Variants in CHL1 observed in about 807,000 individuals in gnomAD.
CHL1 encodes the protein neural cell adhesion molecule L1-like protein.
A neutral mutation model predicts 141.9 loss-of-function variants in CHL1; 96 were observed. The ratio of observed to expected loss-of-function variants is 0.68; its 90% CI spans 0.57 to 0.80. CHL1 has a LOEUF of 0.80. CHL1 is among the 30% of genes least tolerant of loss of function. The pLI is 0.00. For synonymous variants in CHL1, 613 were observed against 502.2 expected, an observed-to-expected ratio of 1.22 and a Z score of -2.95; for missense variants, 1,820 against 1,457.2, an observed-to-expected ratio of 1.25 and a Z score of -4.05.
chr3:286,384 G>A (rs1697145956), intron 2 of CHL1, among the ~76,000 whole-genome samples: 1 of 152,126 alleles, frequency 6.6e-6, no homozygotes, highest in Admixed American at 6.5e-5. Context: ...GCCGAAGTGA[G>A]TGGATCACCT....
At chr3:230,518 A>G (rs1168669427) in intron 1 of CHL1, among the ~76,000 whole-genome samples, 1 of 150,926 alleles carries the variant, frequency 6.6e-6, no homozygotes, top group Non-Finnish European at 1.5e-5. Flanking sequence ...TTTTTTTGAC[A>G]GAGTGATTGG....
chr3:239,444 C>T (rs1692330778), intron 1 of CHL1, among the ~76,000 whole-genome samples: 1 of 152,066 alleles, frequency 6.6e-6, no homozygotes, highest in Non-Finnish European at 1.5e-5. Flanking sequence ...TTTTGACAGA[C>T]ACTGTGGTGG....
chr3:366,027 A>C lies in CHL1; in HGVS notation c.1663A>C (p.Lys555Gln). 4 of 1,613,734 alleles carry C rather than the reference A, an allele frequency of 2.5e-6. No individual in the cohort carries two copies. The South Asian group carries it at 4.4e-5, about 18-fold the overall frequency. The change falls in exon 15 of 28, where the codon AAA (lysine) becomes CAA (glutamine). Residue 555 changes from lysine (K) to glutamine (Q), a missense_variant. Lys to Gln is a moderately conservative substitution (Grantham distance 53). Coordinates refer to ENST00000256509, the MANE Select transcript of CHL1 (RefSeq NM_006614.4). The stretch of plus-strand genomic sequence containing the variant: ...TATGCTTGAATTACATTGTGAAAGC[A>C]AATGTGACTCACATTTGAAACACAG... ...LHMLELHCESKCDSHLKHSLK... is the reference protein window; with the variant it reads ...LHMLELHCESQCDSHLKHSLK...
chr3:366,198 T>C (rs1353188805), intron 15 of CHL1, 83 bp downstream of exon 15: 1 of 1,346,912 alleles, frequency 7.4e-7, no homozygotes, highest in Non-Finnish European at 1.0e-6. Flanking sequence ...AGGTCGGGCA[T>C]GCTGACTCAC....
chr3:246,261 G>A (rs1291935191), intron 2 of CHL1, among the ~76,000 whole-genome samples: 1 of 152,062 alleles, frequency 6.6e-6, no homozygotes, highest in Non-Finnish European at 1.5e-5. Context: ...TCATGATGAT[G>A]TATTAATAAT....
At chr3:349,632 A>G (rs1426504873) in intron 10 of CHL1, 89 bp downstream of exon 10, 1 of 1,100,966 alleles carries the variant, frequency 9.1e-7, no homozygotes, top group African/African-American at 1.6e-5. Flanking sequence ...CATACATGTT[A>G]AAACAGGTCA....
intron 1 of CHL1, among the ~76,000 whole-genome samples, chr3:226,136 T>G (rs529647608): frequency 6.7e-6 from 1 of 149,964 alleles, no homozygotes; most frequent in South Asian, 2.2e-4. Flanking sequence ...TTCTCGTGCC[T>G]CAGCCTCCTG....
intron 2 of CHL1, among the ~76,000 whole-genome samples, chr3:285,029 A>T (rs925039507): frequency 6.6e-6 from 1 of 152,232 alleles, no homozygotes; most frequent in Non-Finnish European, 1.5e-5. Flanking sequence ...TGCTTGCCTT[A>T]TGAAAGTAGG....
At chr3:242,693 CACACAG>C (rs771169698) in intron 1 of CHL1, among the ~76,000 whole-genome samples, 26 of 144,864 alleles carry the variant, frequency 1.8e-4, no homozygotes, top group South Asian at 9.0e-4. Context: ...CACACACACA[CACACAG>C]AGAGAGAGAG....
chr3:341,081 A>G (rs892813644), intron 6 of CHL1, among the ~76,000 whole-genome samples, 165 bp downstream of exon 6: 1 of 152,206 alleles, frequency 6.6e-6, no homozygotes, highest in African/African-American at 2.4e-5. Flanking sequence ...TGTGAAGACA[A>G]TACTTCCTAT....
chr3:344,628 C>G lies in CHL1; in HGVS notation c.767C>G (p.Pro256Arg). ...IKQRKPKLLLPPTESGSESSI... is the reference protein window; with the variant it reads ...IKQRKPKLLLRPTESGSESSI... ...CAAAGAAAACCCAAACTGCTGTTGC[C>G]TCCCACTGAGAGTGGCAGTGAGTCT... Residue 256 changes from proline to arginine, a missense_variant, in exon 9 of 28, where the codon CCT (proline) becomes CGT (arginine). Transcript: ENST00000256509. 1 of 1,612,444 alleles carries G rather than the reference C, an allele frequency of 6.2e-7. No individual in the cohort carries two copies. The highest frequency in any genetic ancestry group is 8.5e-7 in the Non-Finnish European group (1 of 1,179,040).
chr3:210,933 A>C (rs897164652), intron 1 of CHL1, among the ~76,000 whole-genome samples: 11 of 152,316 alleles, frequency 7.2e-5, no homozygotes, highest in African/African-American at 2.4e-4. Flanking sequence ...GAGAGGAAGG[A>C]GGCGTCCAGT....
chr3:213,137 G>T (rs1700033169), intron 1 of CHL1: 1 of 152,184 alleles, frequency 6.6e-6, no homozygotes, highest in African/African-American at 2.4e-5. Flanking sequence ...AAAATAGGGA[G>T]ATTAGAAAAG....
chr3:224,649 A>G (rs755442757), intron 1 of CHL1, among the ~76,000 whole-genome samples: 1 of 152,162 alleles, frequency 6.6e-6, no homozygotes, highest in Non-Finnish European at 1.5e-5. Flanking sequence ...TGCCAGTGCC[A>G]TGCTTGTACA....
chr3:384,840 A>G (rs1245360062), intron 19 of CHL1, among the ~76,000 whole-genome samples: 1 of 152,202 alleles, frequency 6.6e-6, no homozygotes, highest in African/African-American at 2.4e-5. Flanking sequence ...TAGAATGCAC[A>G]AAGTTTAGTT....
intron 2 of CHL1, among the ~76,000 whole-genome samples, chr3:302,642 A>G (rs1698858909): frequency 1.3e-5 from 2 of 152,160 alleles, no homozygotes; most frequent in Admixed American, 1.3e-4. Flanking sequence ...GATTCTGGAT[A>G]GGTCTTCGTC....
chr3:368,573 C>T (rs1313292346), intron 15 of CHL1, among the ~76,000 whole-genome samples: 1 of 152,142 alleles, frequency 6.6e-6, no homozygotes, highest in African/African-American at 2.4e-5. Flanking sequence ...GTTTCTTTTG[C>T]TGTGCAGAAG....
At position 330,681 on chromosome 3, in the gene CHL1, C is replaced by T. The variant is rs148660704; in HGVS notation, c.385+2327C>T. On this transcript the variant is annotated intron_variant, in intron 5 of 27. Transcript: ENST00000256509. ...ATATATAGAAGAATTGAAATCAGAA[C>T]GCCTATAGTTTAGTTTTTGTTTCTG... Among the ~76,000 whole-genome samples the T allele has an allele frequency of 3.4e-3, 515 of 152,148 alleles. 2 individuals are homozygous for T. Among genetic ancestry groups the T allele is most frequent in the African/African-American group, 0.011 (447 of 41,506 alleles).
chr3:325,460 A>G (rs189413962), intron 3 of CHL1, among the ~76,000 whole-genome samples: 6,233 of 152,094 alleles, frequency 0.041, 431 homozygotes, highest in African/African-American at 0.14. Context: ...GGAAAGAAAA[A>G]AAATGGATAA....
Sources: allele counts gnomAD v4.1 joint callset (sites outside exome capture counted in the v4.1 genomes callset), GRCh38; gene constraint gnomAD v4.1.1; transcripts MANE v1.5; gene names NCBI Gene and HGNC (gene_info 2026-07-23, HGNC 2026-07-21).